The following MIA2 variants were observed in gnomAD, a reference collection of about 807,000 sequenced individuals.
MIA2 encodes the protein melanoma inhibitory activity protein 2.
A neutral mutation model predicts 167.8 loss-of-function variants in MIA2; 127 were observed. The observed-to-expected ratio is 0.76, with a 90% CI of 0.66 to 0.88. The LOEUF (loss-of-function observed/expected upper bound fraction) is 0.88. Ranked by LOEUF, MIA2 falls within the 40% of genes least tolerant of loss-of-function variation. MIA2 has a pLI of 0.00. For missense variants in MIA2, 1,690 were observed against 1,624.7 expected, an observed-to-expected ratio of 1.04 and a Z score of -0.69; for synonymous variants, 552 against 541.9, an observed-to-expected ratio of 1.02 and a Z score of -0.26.
At position 39,347,765 on chromosome 14, in the gene MIA2, T is replaced by A. The variant is rs759757680; in HGVS notation, c.3831T>A (p.Asp1277Glu). ...CCAGTAGAAATGATACCAAAGATGA[T>A]CTTGGTGTAAGTATTGAAAGAGTGG... ...MESSRNDTKD[D>E]LGNLNVPDSS... is the part of the protein sequence containing the mutation. Residue 1277 changes from aspartate (D) to glutamate (E), a missense_variant, in exon 27 of 29, where the codon GAT (aspartate) becomes GAA (glutamate). Coordinates refer to ENST00000640607, the MANE Select transcript of MIA2 (RefSeq NM_001329214.4). The A allele has an allele frequency of 9.2e-5, 149 of 1,611,754 alleles. 2 individuals are homozygous for A. The highest frequency in any genetic ancestry group is 2.2e-5 in the East Asian group (1 of 44,856).
In MIA2 at chr14:39,293,993, T is replaced by C; in HGVS notation, c.2320-7T>C. The C allele has an allele frequency of 6.2e-7, 1 of 1,605,718 alleles. No individual in the cohort carries two copies. Among genetic ancestry groups the C allele is most frequent in the East Asian group, 2.2e-5 (1 of 44,534 alleles). ...TAAATATTAATTGCCTGATACTGTG[T>C]TTCTAGATGGCGGATATTTCAAAAA... On this transcript the variant is annotated splice_polypyrimidine_tract_variant and splice_region_variant and intron_variant, in intron 11 of 28. Transcript: ENST00000640607.
At chr14:39,255,582 AATG>A (rs1335620291) in intron 6 of MIA2, among the ~76,000 whole-genome samples, 5 of 152,162 alleles carry the variant, frequency 3.3e-5, no homozygotes, top group African/African-American at 1.2e-4. Flanking sequence ...AACTAACAAT[AATG>A]ATAATTACAA....
intron 23 of MIA2, among the ~76,000 whole-genome samples, chr14:39,359,041 A>C (rs199981095): frequency 6.6e-6 from 1 of 152,314 alleles, no homozygotes; most frequent in East Asian, 1.9e-4. Flanking sequence ...CTCAGATCTC[A>C]AGCTGCATGC....
rs2053622906 is a variant in MIA2, at chr14:39,233,940, A to G, written c.-175A>G. ...GAAAACAGACAGTGTTTGTCTCTCA[A>G]GTTAAACCAACAAGCCGATAGAAAA... On this transcript the variant is annotated 5_prime_UTR_variant, in exon 1 of 29. Transcript: ENST00000640607. 4 of 487,066 alleles carry G rather than the reference A, an allele frequency of 8.2e-6. No homozygotes were observed. Among genetic ancestry groups the G allele is most frequent in the Admixed American group, 4.1e-5 (1 of 24,514 alleles). 30.2% of individuals were successfully genotyped at this position (487,066 alleles called of 1,614,324 possible). A position where few individuals can be genotyped will look rare whatever the true frequency, so the allele number is the denominator to read the frequency against.
intron 3 of MIA2, among the ~76,000 whole-genome samples, chr14:39,243,686 T>C (rs1404089089): frequency 6.6e-6 from 1 of 152,024 alleles, no homozygotes; most frequent in African/African-American, 2.4e-5. Flanking sequence ...ACCAATACGG[T>C]GAAACCACGT....
At chr14:39,304,432 C>A (rs758558669) in intron 17 of MIA2, 51 bp downstream of exon 17, 2 of 1,007,022 alleles carry the variant, frequency 2.0e-6, no homozygotes, top group Non-Finnish European at 2.9e-6. Context: ...AAGTACATCT[C>A]TTGGCAGAGA....
intron 12 of MIA2, among the ~76,000 whole-genome samples, chr14:39,294,513 T>G (rs1335048366): frequency 6.6e-6 from 1 of 152,022 alleles, no homozygotes; most frequent in Non-Finnish European, 1.5e-5. Context: ...TTTTTTTTTT[T>G]TTACGTGAAG....
intron 18 of MIA2, among the ~76,000 whole-genome samples, chr14:39,310,570 C>G (rs1451066171): frequency 2.6e-5 from 4 of 151,768 alleles, no homozygotes; most frequent in African/African-American, 7.3e-5. Context: ...GAGGCTGTAG[C>G]AGGAAGCTAA....
chr14:39,238,828 A>G (rs1235276529), intron 2 of MIA2, among the ~76,000 whole-genome samples: 1 of 133,774 alleles, frequency 7.5e-6, no homozygotes, highest in Non-Finnish European at 1.6e-5. Context: ...AAACAAAAAA[A>G]CCTAGCTGAT....
intron 26 of MIA2, among the ~76,000 whole-genome samples, chr14:39,347,177 C>T (rs1021450318): frequency 2.0e-5 from 3 of 152,202 alleles, no homozygotes; most frequent in Admixed American, 2.0e-4. Context: ...TGGTCAGAAG[C>T]ATCAGTGACT....
At chr14:39,366,196 G>A (rs1006602852) in intron 23 of MIA2, among the ~76,000 whole-genome samples, 6 of 152,108 alleles carry the variant, frequency 3.9e-5, no homozygotes, top group East Asian at 1.9e-4. Flanking sequence ...GGGCCAGGCC[G>A]TCCTCAGGGC....
chr14:39,253,296 A>G (rs773272566), intron 6 of MIA2, 125 bp downstream of exon 6: 2 of 1,218,588 alleles, frequency 1.6e-6, no homozygotes, highest in African/African-American at 3.1e-5. Flanking sequence ...TCTTTCCATG[A>G]CATCTTACCT....
chr14:39,356,296 T>G (rs990808273), downstream of MIA2, among the ~76,000 whole-genome samples: 4 of 152,190 alleles, frequency 2.6e-5, no homozygotes, highest in African/African-American at 7.2e-5. Flanking sequence ...CTGTATGTAT[T>G]GAGGAATTTA....
chr14:39,284,793 C>G (rs188316155), intron 9 of MIA2, among the ~76,000 whole-genome samples: 1 of 146,116 alleles, frequency 6.8e-6, no homozygotes, highest in African/African-American at 2.6e-5. Context: ...GGGTGTTTCT[C>G]GCAGAGGGGG....
At chr14:39,244,410 T>C (rs575722083) in intron 3 of MIA2, among the ~76,000 whole-genome samples, 1 of 152,310 alleles carries the variant, frequency 6.6e-6, no homozygotes, top group African/African-American at 2.4e-5. Context: ...ATGAAGGAGA[T>C]TGAGGCATAG....
intron 14 of MIA2, among the ~76,000 whole-genome samples, chr14:39,301,185 T>A (rs879347297): frequency 6.6e-6 from 1 of 152,028 alleles, no homozygotes; most frequent in Non-Finnish European, 1.5e-5. Flanking sequence ...CTCAGCCTCC[T>A]GAGTAGCTGG....
At chr14:39,267,421 C>T (rs779611509) in intron 6 of MIA2, 14 of 1,609,468 alleles carry the variant, frequency 8.7e-6, no homozygotes, top group Admixed American at 5.1e-5. Flanking sequence ...CCCGACAGGC[C>T]GGGGTTACTG....
intron 19 of MIA2, among the ~76,000 whole-genome samples, chr14:39,314,157 G>C (rs2064884130): frequency 6.6e-6 from 1 of 152,150 alleles, no homozygotes; most frequent in Admixed American, 6.5e-5. Context: ...AGGCCAAGGT[G>C]GGTGGATCAT....
At chr14:39,363,373 T>C (rs541122191) in intron 23 of MIA2, among the ~76,000 whole-genome samples, 3 of 152,206 alleles carry the variant, frequency 2.0e-5, no homozygotes, top group African/African-American at 7.2e-5. Flanking sequence ...CTACAAAAAA[T>C]ACAAAAATTA....
Sources: gnomAD v4.1 joint callset for allele counts (sites outside exome capture counted in the v4.1 genomes callset) on GRCh38, gnomAD v4.1.1 for gene constraint, MANE v1.5 for transcripts, NCBI Gene and HGNC (gene_info 2026-07-23, HGNC 2026-07-21) for gene names.